The following GRID2 variants were observed in gnomAD, a reference collection of about 807,000 sequenced individuals.
The protein encoded by GRID2 is glutamate receptor ionotropic, delta-2.
Under a neutral mutation model 114.8 loss-of-function variants are expected in GRID2, and 33 were observed. The ratio of observed to expected loss-of-function variants is 0.29; its 90% confidence interval spans 0.22 to 0.38. The LOEUF is 0.38. Ranked by LOEUF, GRID2 falls within the 10% of genes least tolerant of loss-of-function variation. The pLI is 1.00. For missense variants in GRID2, 1,184 were observed against 1,257.7 expected (o/e 0.94, Z 0.89); for synonymous variants, 505 against 449.9 (o/e 1.12, Z -1.55).
At chr4:92,984,430 T>C (rs1754387523) in intron 2 of GRID2, among the ~76,000 whole-genome samples, 1 of 152,252 alleles carries the variant, frequency 6.6e-6, no homozygotes, top group Non-Finnish European at 1.5e-5. Context: ...TTCTGTGATA[T>C]AGCTTGTTTA....
At position 92,971,161 on chromosome 4, in the gene GRID2, G is replaced by A. The variant is rs116631739; in HGVS notation, c.245-113834G>A. Among the ~76,000 whole-genome samples, 785 of 152,046 alleles carry A rather than the reference G, an allele frequency of 5.2e-3. 11 individuals carry two copies. The highest frequency in any genetic ancestry group is 0.018 in the African/African-American group (751 of 41,494). Reference sequence around the variant, plus strand: ...CATCTTAAAGCTTTAAACTAAATAAGTAGCAATGATAGGATAAGCTTTAGA... The same window carrying A: ...CATCTTAAAGCTTTAAACTAAATAAATAGCAATGATAGGATAAGCTTTAGA... On this transcript the variant is annotated intron_variant, in intron 2 of 15. Transcript: ENST00000282020.
At chr4:93,483,084 T>C (rs1250476567) in intron 11 of GRID2, among the ~76,000 whole-genome samples, 1 of 152,020 alleles carries the variant, frequency 6.6e-6, no homozygotes, top group East Asian at 1.9e-4. Flanking sequence ...ATATACATTA[T>C]CTCCTCCTAT....
chr4:93,781,345 TGGGCTGCGGTGAG>T (rs1270737157), intron 1 of GRID2, among the ~76,000 whole-genome samples: 1 of 151,710 alleles, frequency 6.6e-6, no homozygotes, highest in Non-Finnish European at 1.5e-5. Flanking sequence ...TGAGGCCCAC[TGGGCTGCGGTGAG>T]GGGCTGCGGT....
At chr4:92,512,397 T>C (rs79934493) in intron 1 of GRID2, among the ~76,000 whole-genome samples, 1,531 of 151,950 alleles carry the variant, frequency 0.01, 23 homozygotes, top group African/African-American at 0.035. Context: ...TTTGGATATA[T>C]ACGATTATTT....
intron 13 of GRID2, among the ~76,000 whole-genome samples, chr4:93,543,238 T>G (rs1225974494): frequency 6.6e-6 from 1 of 152,194 alleles, no homozygotes; most frequent in Non-Finnish European, 1.5e-5. Context: ...TCAGACAGTT[T>G]GAAGGCAAAG....
intron 4 of GRID2, among the ~76,000 whole-genome samples, chr4:93,121,217 T>G (rs1733755476): frequency 6.6e-6 from 1 of 152,122 alleles, no homozygotes; most frequent in Non-Finnish European, 1.5e-5. Context: ...GATGAAGCAA[T>G]TATAATATAG....
intron 9 of GRID2, among the ~76,000 whole-genome samples, chr4:93,414,771 G>A (rs560471461): frequency 6.0e-5 from 9 of 150,392 alleles, no homozygotes; most frequent in African/African-American, 2.0e-4. Context: ...AGAAATGTTC[G>A]TTTGTTGTTT....
intron 1 of GRID2, among the ~76,000 whole-genome samples, chr4:92,498,822 A>G (rs960786981): frequency 5.9e-5 from 9 of 151,758 alleles, no homozygotes; most frequent in African/African-American, 1.7e-4. Context: ...ATTATTTACC[A>G]TGCATACATA....
At chr4:93,255,217 C>A (rs1018789456) in intron 8 of GRID2, among the ~76,000 whole-genome samples, 1 of 152,000 alleles carries the variant, frequency 6.6e-6, no homozygotes, top group Non-Finnish European at 1.5e-5. Flanking sequence ...TTCTGAAGGA[C>A]CATACATTAA....
At chr4:92,496,727 GA>G (rs1039398310) in intron 1 of GRID2, among the ~76,000 whole-genome samples, 3 of 151,554 alleles carry the variant, frequency 2.0e-5, no homozygotes, top group Non-Finnish European at 4.4e-5. Context: ...TTGTGAAAAT[GA>G]AAATGAATGT....
intron 2 of GRID2, among the ~76,000 whole-genome samples, chr4:92,917,615 G>A (rs1748921465): frequency 6.6e-6 from 1 of 152,070 alleles, no homozygotes; most frequent in African/African-American, 2.4e-5. Context: ...TATAAATAGG[G>A]AATCCTTTCC....
At chr4:93,660,087 A>G (rs1578501080) in intron 14 of GRID2, among the ~76,000 whole-genome samples, 1 of 152,216 alleles carries the variant, frequency 6.6e-6, no homozygotes, top group Non-Finnish European at 1.5e-5. Flanking sequence ...GACTTAAATA[A>G]TTACAGTTGA....
intron 13 of GRID2, among the ~76,000 whole-genome samples, chr4:93,549,767 C>G (rs1050513330): frequency 6.6e-6 from 1 of 152,076 alleles, no homozygotes; most frequent in African/African-American, 2.4e-5. Context: ...ATTAAGGAAA[C>G]CAAATGTGTC....
intron 13 of GRID2, among the ~76,000 whole-genome samples, chr4:93,603,534 G>A (rs1345541829): frequency 6.6e-6 from 1 of 152,232 alleles, no homozygotes; most frequent in Non-Finnish European, 1.5e-5. Context: ...AGAAGATCTA[G>A]TGAAGATCCA....
chr4:92,414,289 G>A (rs909810626), intron 1 of GRID2, among the ~76,000 whole-genome samples: 10 of 152,134 alleles, frequency 6.6e-5, no homozygotes, highest in Non-Finnish European at 1.3e-4. Flanking sequence ...TCAGATAGCC[G>A]TGCATCTTCA....
chr4:93,678,316 G>A (rs1038898667), intron 14 of GRID2, among the ~76,000 whole-genome samples: 2 of 152,194 alleles, frequency 1.3e-5, no homozygotes, highest in African/African-American at 4.8e-5. Context: ...GTACCTGAAA[G>A]TGACTGGGAG....
At chr4:92,724,511 G>C (rs879882518) in intron 2 of GRID2, among the ~76,000 whole-genome samples, 1 of 152,106 alleles carries the variant, frequency 6.6e-6, no homozygotes, top group African/African-American at 2.4e-5. Context: ...AAATGCACAT[G>C]GGGACTAGAT....
intron 1 of GRID2, among the ~76,000 whole-genome samples, chr4:92,313,622 G>A (rs899069762): frequency 1.3e-5 from 2 of 151,938 alleles, no homozygotes; most frequent in African/African-American, 4.8e-5. Flanking sequence ...CAGGAAAAGA[G>A]AAATATTAGT....
chr4:92,961,011 T>G (rs1358396491), intron 2 of GRID2, among the ~76,000 whole-genome samples: 5 of 151,978 alleles, frequency 3.3e-5, no homozygotes, highest in Non-Finnish European at 5.9e-5. Flanking sequence ...ACTATGCTGC[T>G]TCATAGGTAG....
Sources: allele counts gnomAD v4.1 joint callset (sites outside exome capture counted in the v4.1 genomes callset), GRCh38; gene constraint gnomAD v4.1.1; transcripts MANE v1.5; gene names NCBI Gene and HGNC (gene_info 2026-07-23, HGNC 2026-07-21).